Variants in ZNF385D observed in about 807,000 individuals in gnomAD.
ZNF385D encodes zinc finger protein 385D, also known as zinc finger protein 659.
ZNF385D carries 15 observed loss-of-function variants against 35.8 expected under a neutral mutation model. The observed-to-expected ratio is 0.42, with a 90% CI of 0.28 to 0.64. The LOEUF is 0.64. ZNF385D is among the 30% of genes least tolerant of loss of function. The pLI is 0.23. For synonymous variants in ZNF385D, 212 were observed against 186.8 expected (o/e 1.13, Z -1.10); for missense variants, 474 against 494.6 (o/e 0.96, Z 0.39).
At chr3:21,425,160 T>C (rs1700960317) in intron 6 of ZNF385D, among the ~76,000 whole-genome samples, 2 of 152,184 alleles carry the variant, frequency 1.3e-5, no homozygotes, top group South Asian at 4.1e-4. Context: ...AAATCAACAC[T>C]TTTGAGTGGA....
intron 3 of ZNF385D, among the ~76,000 whole-genome samples, chr3:22,018,000 T>A (rs1696991567): frequency 6.6e-6 from 1 of 151,934 alleles, no homozygotes; most frequent in African/African-American, 2.4e-5. Context: ...ATTCACTTAA[T>A]ATTGAATGAT....
chr3:21,846,414 G>C (rs761521479), intron 3 of ZNF385D, among the ~76,000 whole-genome samples: 2 of 151,968 alleles, frequency 1.3e-5, no homozygotes, highest in Non-Finnish European at 2.9e-5. Flanking sequence ...TAATACAGTA[G>C]GGAAATTACT....
chr3:21,767,820 T>C lies in ZNF385D; in HGVS notation c.326-102792A>G, dbSNP rs192578262. ...ATATGACCGTTCTTTTGGAACGCTT[T>C]AGTAATTAAAGAAGTTAAATTTCTT... On this transcript the variant is annotated intron_variant, in intron 3 of 5. Transcript: ENST00000494108. Among the ~76,000 whole-genome samples, 77 of 152,212 alleles carry C rather than the reference T, an allele frequency of 5.1e-4. 1 individual carries two copies. The highest frequency in any genetic ancestry group is 1.8e-3 in the African/African-American group (75 of 41,570).
chr3:21,422,823 T>C (rs1327005504), intron 7 of ZNF385D, among the ~76,000 whole-genome samples: 6 of 152,108 alleles, frequency 3.9e-5, no homozygotes, highest in African/African-American at 7.2e-5. Context: ...AACCATGTAA[T>C]GAGGGAACAC....
At chr3:22,221,674 C>G (rs886368975) in intron 2 of ZNF385D, among the ~76,000 whole-genome samples, 3 of 152,034 alleles carry the variant, frequency 2.0e-5, no homozygotes, top group African/African-American at 7.2e-5. Flanking sequence ...CTCATTTGTT[C>G]TTTTTAACTT....
At chr3:21,437,397 T>C (rs1381838482) in intron 4 of ZNF385D, among the ~76,000 whole-genome samples, 194 bp from the exon 5 acceptor site, 1 of 152,064 alleles carries the variant, frequency 6.6e-6, no homozygotes, top group East Asian at 1.9e-4. Context: ...TGTATTAAAA[T>C]AACACTTTCA....
intron 2 of ZNF385D, among the ~76,000 whole-genome samples, chr3:22,366,429 T>C (rs1310405968): frequency 1.3e-5 from 2 of 152,180 alleles, no homozygotes; most frequent in Admixed American, 1.3e-4. Flanking sequence ...TGCATTATGT[T>C]AGAGTGAAGA....
chr3:22,335,805 A>C (rs71316081), intron 2 of ZNF385D, among the ~76,000 whole-genome samples: 291 of 152,274 alleles, frequency 1.9e-3, no homozygotes, highest in Middle Eastern at 3.4e-3. Flanking sequence ...CAAAAAAATT[A>C]ATTTTAAAAT....
At chr3:22,029,375 C>T (rs936993390) in intron 3 of ZNF385D, among the ~76,000 whole-genome samples, 1 of 152,150 alleles carries the variant, frequency 6.6e-6, no homozygotes, top group African/African-American at 2.4e-5. Context: ...ACTACAACAG[C>T]CCAATTCAGG....
intron 2 of ZNF385D, among the ~76,000 whole-genome samples, chr3:22,170,677 T>C (rs998673955): frequency 6.6e-6 from 1 of 152,144 alleles, no homozygotes; most frequent in Non-Finnish European, 1.5e-5. Context: ...TTAATTTTAA[T>C]CAAAGGAAAA....
In ZNF385D at chr3:22,028,328, G is replaced by A. The variant is rs117537044; in HGVS notation, c.325+140489C>T. On this transcript the variant is annotated intron_variant, in intron 3 of 5. Coordinates refer to the ZNF385D transcript ENST00000494108. The stretch of plus-strand genomic sequence containing the variant: ...TCTTTCACCAGCCACCTCTGTCATC[G>A]CCCAGTGGGCCCATGAAAAAAGTGG... 3.7e-3 allele frequency among the ~76,000 whole-genome samples: 565 copies of A among 152,150 alleles called. 11 individuals carry two copies. The East Asian group carries it at 0.037, about 10-fold the overall frequency.
rs1055006703 is a variant in ZNF385D, at chr3:21,702,399, G to A, written c.23-37371C>T. 4.6e-5 allele frequency among the ~76,000 whole-genome samples: 7 copies of A among 152,276 alleles called. No individual in the cohort carries two copies. The East Asian group carries it at 7.8e-4, about 17-fold the overall frequency. On this transcript the variant is annotated intron_variant, in intron 1 of 7. Coordinates refer to ENST00000281523, the MANE Select transcript of ZNF385D (RefSeq NM_024697.3). ...CCAAGTCCCTAGGGTGCCACAGCACGGGAACCCTGGGCCCGGCCCATGAAA... is the reference window on the plus strand; with the variant it reads ...CCAAGTCCCTAGGGTGCCACAGCACAGGAACCCTGGGCCCGGCCCATGAAA...
intron 3 of ZNF385D, among the ~76,000 whole-genome samples, chr3:21,912,469 T>G (rs1700007545): frequency 6.6e-6 from 1 of 152,028 alleles, no homozygotes; most frequent in Non-Finnish European, 1.5e-5. Context: ...AAGTGTTCTT[T>G]CCACGGATAC....
At chr3:22,032,942 C>A (rs944941518) in intron 3 of ZNF385D, among the ~76,000 whole-genome samples, 2 of 152,084 alleles carry the variant, frequency 1.3e-5, no homozygotes, top group African/African-American at 4.8e-5. Flanking sequence ...CCACAGCTAG[C>A]AAATAGTAGC....
chr3:22,060,829 A>C (rs987745202), intron 3 of ZNF385D, among the ~76,000 whole-genome samples: 1 of 152,140 alleles, frequency 6.6e-6, no homozygotes, highest in Admixed American at 6.5e-5. Context: ...TTAATTTAAA[A>C]AAGAAAGTTT....
rs375041784 is a variant in ZNF385D at position 22,204,919 on chromosome 3, G to A, written c.107-35884C>T. On this transcript the variant is annotated intron_variant, in intron 2 of 5. Transcript: ENST00000494108. The stretch of plus-strand genomic sequence containing the variant: ...ACACTGGCCATAAAGAGAGGATAGA[G>A]AGAGAGAGCCTGGGGTAGAAAGTTT... Among the ~76,000 whole-genome samples, 6 of 146,002 alleles carry A rather than the reference G, an allele frequency of 4.1e-5. No homozygotes were observed. In the South Asian group the frequency reaches 1.1e-3, roughly 26 times the overall value.
chr3:21,889,042 G>A (rs966039263), intron 3 of ZNF385D, among the ~76,000 whole-genome samples: 1 of 152,200 alleles, frequency 6.6e-6, no homozygotes, highest in African/African-American at 2.4e-5. Flanking sequence ...GAGTGCCCTT[G>A]ACATTTATGA....
At chr3:21,556,068 G>GTTTTTTT (rs148079775) in intron 3 of ZNF385D, among the ~76,000 whole-genome samples, 399 of 98,804 alleles carry the variant, frequency 4.0e-3, no homozygotes, top group Non-Finnish European at 4.9e-3. Flanking sequence ...TTTTGTTTTT[G>GTTTTTTT]TTTTTTTTTT....
At position 22,001,203 on chromosome 3, in the gene ZNF385D, C is replaced by T. The variant is rs145192923; in HGVS notation, c.325+167614G>A. Among the ~76,000 whole-genome samples the T allele has an allele frequency of 6.8e-3, 1,033 of 152,040 alleles. 22 individuals are homozygous for T. Among genetic ancestry groups the T allele is most frequent in the African/African-American group, 0.023 (962 of 41,488 alleles). On this transcript the variant is annotated intron_variant, in intron 3 of 5. Transcript: ENST00000494108. ...TCCCTACTTAAAAGATATAGATTAG[C>T]TGAAAGGATTTTTTTTAAGCAATAA...
Sources: gnomAD v4.1 joint callset for allele counts (sites outside exome capture counted in the v4.1 genomes callset) on GRCh38, gnomAD v4.1.1 for gene constraint, MANE v1.5 for transcripts, NCBI Gene and HGNC (gene_info 2026-07-23, HGNC 2026-07-21) for gene names.